Variants in STK24 observed in about 807,000 individuals in gnomAD.
STK24 encodes serine/threonine-protein kinase 24.
Under a neutral mutation model 55.6 loss-of-function variants are expected in STK24, and 21 were observed. The observed-to-expected ratio is 0.38, with a 90% CI of 0.27 to 0.54. The LOEUF (loss-of-function observed/expected upper bound fraction) is 0.54. Among genes scored for constraint, STK24 ranks in the 20% least tolerant of loss-of-function variants. STK24 has a pLI of 0.79. For missense variants in STK24, 383 were observed against 538.4 expected (o/e 0.71, Z 2.86); for synonymous variants, 200 against 215.2 (o/e 0.93, Z 0.62).
chr13:98,555,014 CA>C (rs398024117), intron 1 of STK24, among the ~76,000 whole-genome samples: 23,838 of 88,298 alleles, frequency 0.27, 1,735 homozygotes, highest in East Asian at 0.44. Context: ...GACTCCAACT[CA>C]AAAAAAAAAA....
At chr13:98,501,384 G>A (rs1214255634) in intron 2 of STK24, among the ~76,000 whole-genome samples, 1 of 152,204 alleles carries the variant, frequency 6.6e-6, no homozygotes, top group Non-Finnish European at 1.5e-5. Flanking sequence ...GGCCAGGAGG[G>A]CAGGGGCAGC....
intron 2 of STK24, among the ~76,000 whole-genome samples, chr13:98,489,898 A>ATTTT (rs1400221965): frequency 1.3e-5 from 2 of 152,362 alleles, no homozygotes; most frequent in East Asian, 3.9e-4. Context: ...ATACATGAGG[A>ATTTT]GAAAAGGAAA....
At chr13:98,511,175 A>G (rs1310767340) in intron 2 of STK24, among the ~76,000 whole-genome samples, 1 of 152,186 alleles carries the variant, frequency 6.6e-6, no homozygotes, top group Non-Finnish European at 1.5e-5. Flanking sequence ...ATATTCCCAC[A>G]TGGTAGCATT....
chr13:98,555,031 A>AAAAAG lies in STK24; in HGVS notation c.42+21713_42+21714insCTTTT, dbSNP rs1555312204. Among the ~76,000 whole-genome samples the AAAAAG allele has an allele frequency of 6.6e-4, 95 of 143,636 alleles. 2 individuals are homozygous for AAAAAG. In the East Asian group the frequency reaches 0.011, roughly 17 times the overall value. 94.2% of individuals were successfully genotyped at this position (143,636 alleles called of 152,430 possible). On this transcript the variant is annotated intron_variant, in intron 1 of 10. Coordinates refer to ENST00000539966, the MANE Select transcript of STK24 (RefSeq NM_001032296.4). ...CTCCAACTCAAAAAAAAAAAAAAAA[A>AAAAAG]AAAGAAAGAAAAAATAGTTTAAGAA...
intron 1 of STK24, among the ~76,000 whole-genome samples, chr13:98,549,618 C>G (rs903857650): frequency 1.3e-5 from 2 of 152,162 alleles, no homozygotes; most frequent in Non-Finnish European, 2.9e-5. Flanking sequence ...CATGTGACTG[C>G]CTGTTCCCAC....
intron 2 of STK24, among the ~76,000 whole-genome samples, chr13:98,484,827 G>T (rs1416922546): frequency 6.6e-6 from 1 of 152,156 alleles, no homozygotes; most frequent in African/African-American, 2.4e-5. Context: ...CAGGACCAAG[G>T]CCGCCTCCTT....
At chr13:98,535,394 TGTATACACAC>T (rs1168926453) in intron 1 of STK24, among the ~76,000 whole-genome samples, 1,702 of 104,122 alleles carry the variant, frequency 0.016, 45 homozygotes, top group African/African-American at 0.06. Context: ...TATATATGTG[TGTATACACAC>T]ACACACACAC....
At chr13:98,487,649 G>C (rs781135088) in intron 2 of STK24, among the ~76,000 whole-genome samples, 1 of 152,142 alleles carries the variant, frequency 6.6e-6, no homozygotes, top group Non-Finnish European at 1.5e-5. Context: ...TGTTTACCTT[G>C]CTTTTTACCT....
In STK24 at chr13:98,461,769, C is replaced by T. The variant is rs762640335; in HGVS notation, c.1053+5G>A. 4.4e-5 allele frequency: 71 copies of T among 1,613,720 alleles called. No homozygotes were observed. The highest frequency in any genetic ancestry group is 3.0e-4 in the Admixed American group (18 of 59,990). ...GCGTGGCCATTCTGGAGTGAGCAGACGTACCTTATTTCTGTCCAAGTCCGA... is the reference window on the plus strand; with the variant it reads ...GCGTGGCCATTCTGGAGTGAGCAGATGTACCTTATTTCTGTCCAAGTCCGA... On this transcript the variant is annotated splice_donor_5th_base_variant and intron_variant, in intron 8 of 10. Coordinates refer to ENST00000539966, the MANE Select transcript of STK24 (RefSeq NM_001032296.4).
At chr13:98,481,821 G>A (rs757948669) in intron 3 of STK24, among the ~76,000 whole-genome samples, 6 of 152,108 alleles carry the variant, frequency 3.9e-5, no homozygotes, top group African/African-American at 9.7e-5. Context: ...GGCTGAGAGC[G>A]GGGATCACTC....
chr13:98,529,449 C>T (rs925794933), intron 1 of STK24, among the ~76,000 whole-genome samples: 2 of 152,166 alleles, frequency 1.3e-5, no homozygotes, highest in African/African-American at 2.4e-5. Context: ...CTGCTTAAAA[C>T]AACTGGGGAC....
At chr13:98,529,255 CCT>C (rs1594643608) in intron 1 of STK24, among the ~76,000 whole-genome samples, 1 of 152,130 alleles carries the variant, frequency 6.6e-6, no homozygotes. Flanking sequence ...CACCCCCATT[CCT>C]CTCTCACCCC....
chr13:98,489,851 A>T (rs1894952413), intron 2 of STK24, among the ~76,000 whole-genome samples: 1 of 152,262 alleles, frequency 6.6e-6, no homozygotes, highest in African/African-American at 2.4e-5. Flanking sequence ...AACTTGTGCT[A>T]ATAGAACAAA....
At chr13:98,464,841 A>AT (rs1893868805) in intron 6 of STK24, among the ~76,000 whole-genome samples, 1 of 152,150 alleles carries the variant, frequency 6.6e-6, no homozygotes, top group African/African-American at 2.4e-5. Flanking sequence ...ATCCAACCAT[A>AT]TAATAGAAAT....
chr13:98,560,014 G>A (rs779096686), intron 1 of STK24, among the ~76,000 whole-genome samples: 14 of 152,148 alleles, frequency 9.2e-5, no homozygotes, highest in Non-Finnish European at 1.8e-4. Flanking sequence ...AAGTGTAGTA[G>A]TAAAGGTCCA....
chr13:98,520,486 A>G (rs1896219996), intron 1 of STK24, among the ~76,000 whole-genome samples: 1 of 152,224 alleles, frequency 6.6e-6, no homozygotes, highest in Non-Finnish European at 1.5e-5. Context: ...CCTTTGAAGA[A>G]GCTGAACTAC....
intron 2 of STK24, among the ~76,000 whole-genome samples, chr13:98,508,573 T>C (rs1895774788): frequency 6.6e-6 from 1 of 152,172 alleles, no homozygotes; most frequent in African/African-American, 2.4e-5. Context: ...GAGATCTTTC[T>C]TGGTAAACTT....
chr13:98,556,401 C>G (rs1313574805), intron 1 of STK24, among the ~76,000 whole-genome samples: 1 of 152,242 alleles, frequency 6.6e-6, no homozygotes, highest in Non-Finnish European at 1.5e-5. Flanking sequence ...TAAGCCCTCA[C>G]GTTCCACTGT....
intron 9 of STK24, among the ~76,000 whole-genome samples, chr13:98,458,243 C>T (rs1232406894): frequency 3.9e-5 from 6 of 152,146 alleles, no homozygotes; most frequent in Non-Finnish European, 5.9e-5. Flanking sequence ...GGCCCAAAAA[C>T]GTGAACTGTG....
Sources: gnomAD v4.1 joint callset for allele counts (sites outside exome capture counted in the v4.1 genomes callset) on GRCh38, gnomAD v4.1.1 for gene constraint, MANE v1.5 for transcripts, NCBI Gene and HGNC (gene_info 2026-07-23, HGNC 2026-07-21) for gene names.